Variants in CLYBL observed in about 807,000 individuals in gnomAD.
CLYBL encodes citramalyl-CoA lyase, mitochondrial.
In CLYBL, 31 loss-of-function variants were observed where a neutral mutation model predicts 38.9. The ratio of observed to expected loss-of-function variants is 0.80; its 90% CI spans 0.60 to 1.08. CLYBL has a LOEUF of 1.08. CLYBL is among the 50% of genes least tolerant of loss of function. The probability of loss-of-function intolerance (pLI) is 0.00; values close to 1 mark genes in which losing one functional copy is unlikely to be tolerated. For synonymous variants in CLYBL, 171 were observed against 158.6 expected, an observed-to-expected ratio of 1.08 and a Z score of -0.59; for missense variants, 434 against 411.6, an observed-to-expected ratio of 1.05 and a Z score of -0.47.
intron 1 of CLYBL, among the ~76,000 whole-genome samples, chr13:99,654,184 A>T (rs1023681421): frequency 3.9e-5 from 6 of 152,148 alleles, no homozygotes; most frequent in Non-Finnish European, 8.8e-5. Flanking sequence ...ACTTTGACCC[A>T]TGAATACACT....
intron 1 of CLYBL, among the ~76,000 whole-genome samples, chr13:99,706,926 C>G (rs151154765): frequency 5.2e-4 from 79 of 152,312 alleles, no homozygotes; most frequent in Non-Finnish European, 1.1e-3. Context: ...CCTCAGCCTC[C>G]TGAGTAGCCA....
chr13:99,631,053 G>A (rs1238489217), intron 1 of CLYBL, among the ~76,000 whole-genome samples: 1 of 152,190 alleles, frequency 6.6e-6, no homozygotes, highest in African/African-American at 2.4e-5. Flanking sequence ...CAGGTGTGGT[G>A]GCTCATGCCT....
intron 1 of CLYBL, among the ~76,000 whole-genome samples, chr13:99,692,297 T>G (rs113357262): frequency 0.12 from 9,921 of 81,508 alleles, 1,120 homozygotes; most frequent in African/African-American, 0.28. Context: ...TTTTTTTTTT[T>G]TTGTTTGTTT....
chr13:99,823,237 T>TA (rs2050620948), intron 2 of CLYBL, among the ~76,000 whole-genome samples: 1 of 152,220 alleles, frequency 6.6e-6, no homozygotes, highest in East Asian at 1.9e-4. Context: ...TTAATTTCTT[T>TA]AAAAAATAGA....
At chr13:99,732,583 T>A (rs2048609727) in intron 1 of CLYBL, among the ~76,000 whole-genome samples, 1 of 152,240 alleles carries the variant, frequency 6.6e-6, no homozygotes. Flanking sequence ...GTCATTATTT[T>A]ATAATTTTGC....
At chr13:99,873,466 A>G (rs2051960844) in intron 7 of CLYBL, among the ~76,000 whole-genome samples, 2 of 152,222 alleles carry the variant, frequency 1.3e-5, no homozygotes. Flanking sequence ...AAAGATAGGA[A>G]ACTGATGGTT....
chr13:99,646,217 A>G (rs1594099701), intron 1 of CLYBL, among the ~76,000 whole-genome samples: 1 of 151,990 alleles, frequency 6.6e-6, no homozygotes, highest in East Asian at 1.9e-4. Flanking sequence ...CTGCTTTTAT[A>G]TTTTTTCTGT....
At chr13:99,670,452 TAACTTGTTTATGTTTCCTGAAACAA>T (rs1270891050) in intron 1 of CLYBL, among the ~76,000 whole-genome samples, 2 of 151,714 alleles carry the variant, frequency 1.3e-5, no homozygotes, top group East Asian at 1.9e-4. Flanking sequence ...TCCTGAAACA[TAACTTGTTTATGTTTCCTGAAACAA>T]AACTTACCTG....
chr13:99,768,628 C>T (rs568078170), intron 1 of CLYBL, among the ~76,000 whole-genome samples: 29 of 150,948 alleles, frequency 1.9e-4, no homozygotes, highest in Middle Eastern at 3.4e-3. Context: ...TCTTGTGCCT[C>T]AGCCACCCAA....
intron 2 of CLYBL, among the ~76,000 whole-genome samples, chr13:99,858,643 G>A (rs2051518408): frequency 6.6e-6 from 1 of 152,160 alleles, no homozygotes; most frequent in African/African-American, 2.4e-5. Flanking sequence ...GGTGCGTCTC[G>A]GCTATGTTAT....
chr13:99,756,188 C>T (rs1463149601), intron 1 of CLYBL, among the ~76,000 whole-genome samples: 3 of 152,152 alleles, frequency 2.0e-5, no homozygotes, highest in African/African-American at 7.2e-5. Flanking sequence ...GATTTTCAAA[C>T]AAGGGAAACT....
chr13:99,680,135 T>A (rs890988856), intron 1 of CLYBL, among the ~76,000 whole-genome samples: 8 of 152,324 alleles, frequency 5.3e-5, no homozygotes, highest in African/African-American at 1.9e-4. Context: ...TGGGGGAATT[T>A]CAATATGGCA....
chr13:99,801,495 T>G lies in CLYBL; in HGVS notation c.249+28485T>G, dbSNP rs564617363. On this transcript the variant is annotated intron_variant, in intron 2 of 8. Coordinates refer to ENST00000339105, the MANE Select transcript of CLYBL (RefSeq NM_206808.5). Reference sequence around the variant, plus strand: ...TGATAATTATTGATTTGGAAAGAGATAAAAGTTTTGGAAAAGAAAGTAATA... The same window carrying G: ...TGATAATTATTGATTTGGAAAGAGAGAAAAGTTTTGGAAAAGAAAGTAATA... Among the ~76,000 whole-genome samples, 5 of 150,786 alleles carry G rather than the reference T, an allele frequency of 3.3e-5. No homozygotes were observed. In the South Asian group the frequency reaches 8.4e-4, roughly 25 times the overall value.
intron 7 of CLYBL, among the ~76,000 whole-genome samples, chr13:99,890,647 T>C (rs1158975768): frequency 6.6e-6 from 1 of 152,138 alleles, no homozygotes; most frequent in African/African-American, 2.4e-5. Context: ...TTTGTATTTT[T>C]ATTAGAGACA....
At chr13:99,839,236 C>G (rs951734251) in intron 2 of CLYBL, among the ~76,000 whole-genome samples, 1 of 152,156 alleles carries the variant, frequency 6.6e-6, no homozygotes. Flanking sequence ...CAGGGCAACT[C>G]AAGAGGGCAG....
intron 2 of CLYBL, among the ~76,000 whole-genome samples, chr13:99,831,960 T>C (rs1174625864): frequency 6.6e-6 from 1 of 152,250 alleles, no homozygotes; most frequent in Non-Finnish European, 1.5e-5. Context: ...CCAGAATTTC[T>C]TGGCCTCTTC....
chr13:99,882,984 A>C (rs533526735), intron 7 of CLYBL, among the ~76,000 whole-genome samples: 1 of 152,172 alleles, frequency 6.6e-6, no homozygotes, highest in Admixed American at 6.5e-5. Flanking sequence ...AGGCCAGCCC[A>C]GCCCAGCTCT....
chr13:99,864,344 CA>C (rs991601978), intron 4 of CLYBL, among the ~76,000 whole-genome samples: 25 of 152,256 alleles, frequency 1.6e-4, no homozygotes, highest in African/African-American at 4.6e-4. Context: ...TGACTTGTTG[CA>C]TTTTTATTTT....
chr13:99,804,061 A>G (rs1327525567), intron 2 of CLYBL, among the ~76,000 whole-genome samples: 1 of 152,232 alleles, frequency 6.6e-6, no homozygotes, highest in Non-Finnish European at 1.5e-5. Flanking sequence ...AGGGAGTGGA[A>G]TCGTTCTGTG....
Sources: allele counts gnomAD v4.1 joint callset (sites outside exome capture counted in the v4.1 genomes callset), GRCh38; gene constraint gnomAD v4.1.1; transcripts MANE v1.5; gene names NCBI Gene and HGNC (gene_info 2026-07-23, HGNC 2026-07-21).